Variants in STK31 observed in about 807,000 individuals in gnomAD.
The protein encoded by STK31 is serine/threonine kinase 31, also known as serine/threonine-protein kinase 31.
STK31 carries 89 observed loss-of-function variants against 129.7 expected under a neutral mutation model. The observed-to-expected ratio is 0.69, with a 90% confidence interval of 0.58 to 0.82. The LOEUF (loss-of-function observed/expected upper bound fraction) is 0.82. Among genes scored for constraint, STK31 ranks in the 40% least tolerant of loss-of-function variants. The probability of loss-of-function intolerance (pLI) is 0.00; values close to 1 mark genes in which losing one functional copy is unlikely to be tolerated. For synonymous variants in STK31, 448 were observed against 395.3 expected (o/e 1.13, Z -1.58); for missense variants, 1,187 against 1,176.4 (o/e 1.01, Z -0.13).
chr7:23,711,751 A>G (rs1270241881), intron 1 of STK31, among the ~76,000 whole-genome samples: 2 of 152,170 alleles, frequency 1.3e-5, no homozygotes, highest in African/African-American at 4.8e-5. Flanking sequence ...ACATTGTGGA[A>G]GTCCTTTTTA....
intron 3 of STK31, among the ~76,000 whole-genome samples, chr7:23,712,733 A>G (rs917691178): frequency 6.6e-6 from 1 of 152,178 alleles, no homozygotes; most frequent in African/African-American, 2.4e-5. Flanking sequence ...GGAAGCATGA[A>G]TGAAACATTT....
chr7:23,757,546 A>G (rs983747064), intron 10 of STK31, among the ~76,000 whole-genome samples: 2 of 152,130 alleles, frequency 1.3e-5, no homozygotes, highest in Non-Finnish European at 2.9e-5. Context: ...ATACATAAAC[A>G]TATCTGGTGC....
At chr7:23,727,340 T>A in intron 5 of STK31, 25 bp downstream of exon 5, 1 of 1,609,798 alleles carries the variant, frequency 6.2e-7, no homozygotes, top group Non-Finnish European at 8.5e-7. Flanking sequence ...GTTCAGTTTT[T>A]TTTTGCTTTA....
intron 6 of STK31, among the ~76,000 whole-genome samples, chr7:23,734,854 A>G (rs745305838): frequency 6.6e-6 from 1 of 152,124 alleles, no homozygotes; most frequent in African/African-American, 2.4e-5. Flanking sequence ...AGTCCCGGTT[A>G]CTGGGGAGGC....
At chr7:23,763,765 A>G (rs1789627362) in intron 11 of STK31, among the ~76,000 whole-genome samples, 1 of 111,084 alleles carries the variant, frequency 9.0e-6, no homozygotes, top group Non-Finnish European at 2.0e-5. Flanking sequence ...AAATGTTTTC[A>G]TTTTCTAATG....
At chr7:23,820,363 G>A (rs927897936) in intron 23 of STK31, among the ~76,000 whole-genome samples, 7 of 152,184 alleles carry the variant, frequency 4.6e-5, no homozygotes, top group African/African-American at 1.7e-4. Context: ...TGTGGAAACT[G>A]CAGATAGGGA....
intron 4 of STK31, among the ~76,000 whole-genome samples, chr7:23,724,012 C>CA (rs1384965241): frequency 6.6e-6 from 1 of 152,106 alleles, no homozygotes; most frequent in Non-Finnish European, 1.5e-5. Flanking sequence ...GGGAGGGGAA[C>CA]TCAAATGCAG....
rs1793545868 is a variant in STK31 at position 23,817,508 on chromosome 7, G to A, written c.2829+2296G>A. On this transcript the variant is annotated intron_variant, in intron 23 of 23. Transcript: ENST00000355870. Reference sequence around the variant, plus strand: ...ATGGAATTACCTTTACCTACATTTTGTGTTCACACATAGCTGCAAAACAAG... The same window carrying A: ...ATGGAATTACCTTTACCTACATTTTATGTTCACACATAGCTGCAAAACAAG... 2.6e-5 allele frequency among the ~76,000 whole-genome samples: 4 copies of A among 152,194 alleles called. No homozygotes were observed. In the South Asian group the frequency reaches 8.3e-4, roughly 32 times the overall value.
rs778072982 is a variant in STK31 at position 23,754,319 on chromosome 7, G to A, written c.1138G>A (p.Val380Ile). Residue 380 changes from valine (V) to isoleucine (I), a missense_variant, in exon 10 of 24, where the codon GTC (valine) becomes ATC (isoleucine). Val to Ile is a conservative substitution (Grantham distance 29). This residue lies in a region of STK31 where 975 missense variants were observed against 934.9 expected (regional missense o/e 1.04). Coordinates refer to ENST00000355870, the MANE Select transcript of STK31 (RefSeq NM_031414.5). The part of the protein sequence containing the change: ...KMEILKEMRH[V>I]DISVRFGKDL... ...TTTTGATGTTTTTAAAAATAGGCAT[G>A]TCGACATCAGTGTCCGTTTCGGAAA... The A allele has an allele frequency of 6.9e-6, 11 of 1,605,178 alleles. No homozygotes were observed. Among genetic ancestry groups the A allele is most frequent in the African/African-American group, 1.3e-5 (1 of 74,432 alleles).
At chr7:23,831,204 A>T (rs1042632202) in intron 23 of STK31, among the ~76,000 whole-genome samples, 7 of 152,136 alleles carry the variant, frequency 4.6e-5, no homozygotes, top group Non-Finnish European at 1.0e-4. Context: ...TCTCTAGATT[A>T]TCTGTCTAGT....
chr7:23,724,988 A>G (rs1786965265), intron 4 of STK31, among the ~76,000 whole-genome samples: 1 of 152,206 alleles, frequency 6.6e-6, no homozygotes, highest in Non-Finnish European at 1.5e-5. Flanking sequence ...TTAAAGCAGT[A>G]TTCTTCAGCC....
chr7:23,825,914 T>G (rs1794119863), intron 23 of STK31, among the ~76,000 whole-genome samples: 1 of 152,174 alleles, frequency 6.6e-6, no homozygotes, highest in Non-Finnish European at 1.5e-5. Flanking sequence ...TGGTTTTGAG[T>G]GAGTTTCTTA....
intron 10 of STK31, among the ~76,000 whole-genome samples, chr7:23,757,831 G>A (rs1223298434): frequency 6.6e-6 from 1 of 152,206 alleles, no homozygotes; most frequent in Non-Finnish European, 1.5e-5. Context: ...GTCACATGGG[G>A]AGAAACCTTG....
At chr7:23,774,720 G>A (rs902025216) in intron 15 of STK31, among the ~76,000 whole-genome samples, 14 of 152,134 alleles carry the variant, frequency 9.2e-5, no homozygotes, top group Non-Finnish European at 2.1e-4. Flanking sequence ...TCTCCATTTT[G>A]TAGGTTGCCT....
At chr7:23,715,452 CAAAA>C (rs5882910) in intron 3 of STK31, among the ~76,000 whole-genome samples, 2 of 128,418 alleles carry the variant, frequency 1.6e-5, no homozygotes, top group African/African-American at 5.8e-5. Context: ...CTTGTCGCTA[CAAAA>C]AAAAAAAAAA....
intron 8 of STK31, among the ~76,000 whole-genome samples, chr7:23,739,625 T>C (rs1413971060): frequency 6.6e-6 from 1 of 152,254 alleles, no homozygotes; most frequent in African/African-American, 2.4e-5. Context: ...TTTAAGTCTT[T>C]AATCCATCTT....
chr7:23,819,712 T>A (rs1357520902), intron 23 of STK31, among the ~76,000 whole-genome samples: 2 of 152,162 alleles, frequency 1.3e-5, no homozygotes, highest in Admixed American at 6.5e-5. Context: ...AGATTATTTT[T>A]ATTCAGTCTG....
chr7:23,717,422 G>A (rs2128062770), intron 3 of STK31, 59 bp from the exon 4 acceptor site: 1 of 1,207,178 alleles, frequency 8.3e-7, no homozygotes, highest in East Asian at 2.6e-5. Context: ...GAACCCTCAA[G>A]CGTGTAACAC....
At chr7:23,781,814 C>T (rs1346872099) in intron 16 of STK31, among the ~76,000 whole-genome samples, 1 of 152,138 alleles carries the variant, frequency 6.6e-6, no homozygotes, top group Non-Finnish European at 1.5e-5. Flanking sequence ...TTTTGACTTT[C>T]TTTTAGTATT....
Sources: gnomAD v4.1 joint callset for allele counts (sites outside exome capture counted in the v4.1 genomes callset) on GRCh38, gnomAD v4.1.1 for gene constraint, gnomAD v4.1.1 regional missense constraint, MANE v1.5 for transcripts, NCBI Gene and HGNC (gene_info 2026-07-23, HGNC 2026-07-21) for gene names.